RYR1: variants seen among roughly 807,000 people sequenced by gnomAD.
The protein encoded by RYR1 is central core disease of muscle.
Under a neutral mutation model 583.5 loss-of-function variants are expected in RYR1, and 342 were observed. The observed-to-expected ratio is 0.59, with a 90% CI of 0.54 to 0.64. The LOEUF is 0.64. Ranked by LOEUF, RYR1 falls within the 30% of genes least tolerant of loss-of-function variation. The pLI is 0.00. For synonymous variants in RYR1, 2,791 were observed against 2,822.5 expected (o/e 0.99, Z 0.35); for missense variants, 6,032 against 6,917.2 (o/e 0.87, Z 4.54).
At chr19:38,520,572 G>A (rs1454667246) in intron 67 of RYR1, among the ~76,000 whole-genome samples, 2 of 151,438 alleles carry the variant, frequency 1.3e-5, no homozygotes, top group Non-Finnish European at 2.9e-5. Flanking sequence ...ACGCAGGCTT[G>A]AAATCCCAGC....
At chr19:38,442,178 T>G (rs1168059159) in intron 2 of RYR1, among the ~76,000 whole-genome samples, 171 bp from the exon 3 acceptor site, 1 of 149,704 alleles carries the variant, frequency 6.7e-6, no homozygotes. Context: ...TTGGTCTAGA[T>G]TCAGTGTGTC....
In RYR1 at chr19:38,467,695, C is replaced by T. The variant is rs1217448447; in HGVS notation, c.3264C>T (p.Tyr1088=). The change falls in exon 25 of 106, where the codon TAC becomes TAT. Residue 1088 remains tyrosine (Y), a synonymous_variant. Coordinates refer to ENST00000359596, the MANE Select transcript of RYR1 (RefSeq NM_000540.3). The stretch of plus-strand genomic sequence containing the variant: ...ATACAGTGCAGAGCGGCCGCTGGTA[C>T]TTCGAGTTTGAAGCAGTCACCACAG... The part of the protein sequence containing the change: ...KSYTVQSGRW[Y]FEFEAVTTGE... 6.2e-7 allele frequency: 1 copy of T among 1,614,222 alleles called. No individual in the cohort carries two copies. The highest frequency in any genetic ancestry group is 1.1e-5 in the South Asian group (1 of 91,088).
In RYR1 at chr19:38,455,728, G is replaced by A; in HGVS notation, c.1768G>A (p.Asp590Asn). ...NHIKSIISLL[D>N]KHGRNHKVLD... Reference sequence around the variant, plus strand: ...CATCAAGTCCATCATCTCCCTCCTGGACAAGCATGGGAGGAACCACAAGGT... The same window carrying A: ...CATCAAGTCCATCATCTCCCTCCTGAACAAGCATGGGAGGAACCACAAGGT... The change falls in exon 16 of 106, where the codon GAC (aspartate) becomes AAC (asparagine). Residue 590 changes from aspartate to asparagine, a missense_variant. Physicochemically the swap from Asp to Asn is conservative, Grantham distance 23. Around this residue, in one of 11 missense-constraint regions of RYR1, gnomAD observed 2,627 missense variants for 2,961.3 expected, o/e 0.89. Coordinates refer to ENST00000359596, the MANE Select transcript of RYR1 (RefSeq NM_000540.3). 6.2e-7 allele frequency: 1 copy of A among 1,611,954 alleles called. No individual in the cohort carries two copies. The highest frequency in any genetic ancestry group is 8.5e-7 in the Non-Finnish European group (1 of 1,178,480).
chr19:38,551,019 TCA>T (rs1371346664), intron 89 of RYR1, among the ~76,000 whole-genome samples: 1 of 144,250 alleles, frequency 6.9e-6, no homozygotes, highest in Non-Finnish European at 1.5e-5. Context: ...CAGTGTGGAT[TCA>T]CGGCTTTTTT....
At chr19:38,509,487 C>G (rs1361515634) in intron 58 of RYR1, among the ~76,000 whole-genome samples, 1 of 137,394 alleles carries the variant, frequency 7.3e-6, no homozygotes, top group Non-Finnish European at 1.5e-5. Context: ...GAGTCTTGCT[C>G]TGTCACCCAG....
chr19:38,506,081 C>A, intron 54 of RYR1, 135 bp downstream of exon 54: 1 of 1,253,108 alleles, frequency 8.0e-7, no homozygotes, highest in Non-Finnish European at 1.1e-6. Context: ...GTGCAGAAAC[C>A]TGAGATCTGG....
At chr19:38,508,166 A>C (rs1473249) in intron 58 of RYR1, among the ~76,000 whole-genome samples, 49,567 of 151,880 alleles carry the variant, frequency 0.33, 8,632 homozygotes, top group South Asian at 0.46. Flanking sequence ...GCCAGTTGTA[A>C]TTTTATTTTA....
chr19:38,498,746 G>A (rs1030052109), intron 42 of RYR1, among the ~76,000 whole-genome samples: 4 of 152,186 alleles, frequency 2.6e-5, no homozygotes, highest in African/African-American at 9.7e-5. Flanking sequence ...CAGCAGTGAG[G>A]ATGACCAGAG....
chr19:38,474,326 A>G (rs1968599435), intron 28 of RYR1, among the ~76,000 whole-genome samples: 1 of 151,256 alleles, frequency 6.6e-6, no homozygotes, highest in Admixed American at 6.6e-5. Context: ...GCAATGGCGC[A>G]ATCTCAGCTC....
rs1972729713 is a variant in RYR1, at chr19:38,552,999, CATTTT to C, written c.12282+4585_12282+4589del. ...AATCTGCAACTGGGAAAAGTGTATT[CATTTT>C]ATTTTTTGAATATATAATTACTCAC... is the stretch of plus-strand genomic sequence containing the variant. On this transcript the variant is annotated intron_variant, in intron 89 of 105. Coordinates refer to ENST00000359596, the MANE Select transcript of RYR1 (RefSeq NM_000540.3). 2.6e-5 allele frequency among the ~76,000 whole-genome samples: 4 copies of C among 152,258 alleles called. No individual in the cohort carries two copies. In the South Asian group the frequency reaches 8.3e-4, roughly 32 times the overall value.
At chr19:38,459,697 A>T (rs1967623988) in intron 19 of RYR1, among the ~76,000 whole-genome samples, 1 of 150,676 alleles carries the variant, frequency 6.6e-6, no homozygotes, top group Non-Finnish European at 1.5e-5. Flanking sequence ...ACCTTCCTTG[A>T]CTCCCCAGTG....
chr19:38,515,194 C>G, intron 64 of RYR1, 87 bp downstream of exon 64: 1 of 1,014,492 alleles, frequency 9.9e-7, no homozygotes, highest in Admixed American at 1.9e-5. Flanking sequence ...GGGTGAAAAG[C>G]AGGGTAGATG....
chr19:38,462,831 G>T (rs1967829164), intron 20 of RYR1, among the ~76,000 whole-genome samples: 1 of 151,534 alleles, frequency 6.6e-6, no homozygotes, highest in African/African-American at 2.4e-5. Flanking sequence ...TGCCCTCATG[G>T]AGCTCCCAGT....
chr19:38,504,179 T>C (rs2145626027), intron 49 of RYR1, 41 bp from the exon 50 acceptor site: 1 of 1,585,180 alleles, frequency 6.3e-7, no homozygotes, highest in Non-Finnish European at 8.6e-7. Context: ...CATTCGCTGG[T>C]GCCCCCCTCA....
chr19:38,501,225 C>T (rs1038168002), intron 47 of RYR1, among the ~76,000 whole-genome samples: 10 of 152,182 alleles, frequency 6.6e-5, no homozygotes, highest in African/African-American at 1.9e-4. Flanking sequence ...TGAGGTCAGG[C>T]GTGGTGACTC....
intron 11 of RYR1, among the ~76,000 whole-genome samples, chr19:38,450,820 T>C (rs962232274): frequency 6.7e-6 from 1 of 150,178 alleles, no homozygotes; most frequent in Non-Finnish European, 1.5e-5. Context: ...AGCCTCCATG[T>C]TGGACATGCG....
At chr19:38,515,490 GAA>G (rs1970924656) in intron 64 of RYR1, among the ~76,000 whole-genome samples, 1 of 152,220 alleles carries the variant, frequency 6.6e-6, no homozygotes, top group Non-Finnish European at 1.5e-5. Flanking sequence ...CACCAGCTCT[GAA>G]GTTATTCAGA....
intron 1 of RYR1, among the ~76,000 whole-genome samples, chr19:38,439,020 G>A (rs1568430428): frequency 6.6e-6 from 1 of 151,936 alleles, no homozygotes; most frequent in Admixed American, 6.6e-5. Flanking sequence ...CCAAGGCAGG[G>A]ATCTTGATCT....
intron 95 of RYR1, 92 bp from the exon 96 acceptor site, chr19:38,573,085 C>A: frequency 6.3e-7 from 1 of 1,580,642 alleles, no homozygotes; most frequent in South Asian, 1.1e-5. Context: ...TGGGGTCACA[C>A]ACAGACCCCA....
Sources: allele counts gnomAD v4.1 joint callset (sites outside exome capture counted in the v4.1 genomes callset), GRCh38; gene constraint gnomAD v4.1.1; regional missense constraint gnomAD v4.1.1; transcripts MANE v1.5; gene names NCBI Gene and HGNC (gene_info 2026-07-23, HGNC 2026-07-21).